LMX1B: variants seen among roughly 807,000 people sequenced by gnomAD.
The protein encoded by LMX1B is LIM homeobox transcription factor 1-beta.
In LMX1B, 12 loss-of-function variants were observed where a neutral mutation model predicts 51.4. The ratio of observed to expected loss-of-function variants is 0.23; its 90% confidence interval spans 0.15 to 0.38. The LOEUF is 0.38. LMX1B is among the 10% of genes least tolerant of loss of function. The pLI is 1.00. For missense variants in LMX1B, 445 were observed against 571.1 expected, an observed-to-expected ratio of 0.78 and a Z score of 2.25; for synonymous variants, 237 against 235.4, an observed-to-expected ratio of 1.01 and a Z score of -0.06.
intron 2 of LMX1B, among the ~76,000 whole-genome samples, chr9:126,678,877 C>T (rs1279279322): frequency 6.6e-6 from 1 of 152,124 alleles, no homozygotes; most frequent in Non-Finnish European, 1.5e-5. Flanking sequence ...TAAAAAAATG[C>T]TTTAATGGAG....
chr9:126,696,743 C>T lies in LMX1B; in HGVS notation c.*292C>T. On this transcript the variant is annotated 3_prime_UTR_variant, in exon 8 of 8. Transcript: ENST00000373474. ...CCAGCCCCACCTCGGCCTCCATCGCCTCCTCCCCATCTCTTTTTTGGGAAG... is the reference window on the plus strand; with the variant it reads ...CCAGCCCCACCTCGGCCTCCATCGCTTCCTCCCCATCTCTTTTTTGGGAAG... 1.9e-6 allele frequency: 1 copy of T among 528,548 alleles called. No individual in the cohort carries two copies. The highest frequency in any genetic ancestry group is 3.4e-6 in the Non-Finnish European group (1 of 293,868). The allele number at this position is 528,548 out of a possible 1,614,324, so 32.7% of individuals were successfully genotyped here.
At chr9:126,628,465 ACAGAT>A (rs1166267933) in intron 2 of LMX1B, among the ~76,000 whole-genome samples, 1 of 152,198 alleles carries the variant, frequency 6.6e-6, no homozygotes, top group Admixed American at 6.5e-5. Flanking sequence ...CTACAAGGCG[ACAGAT>A]CAGGAGAGGC....
intron 2 of LMX1B, among the ~76,000 whole-genome samples, chr9:126,660,787 G>A (rs531618229): frequency 2.0e-5 from 3 of 152,158 alleles, no homozygotes; most frequent in Non-Finnish European, 2.9e-5. Flanking sequence ...CCCTGAGCCC[G>A]TAGTGTGGCT....
chr9:126,616,351 T>G (rs1351660495), intron 2 of LMX1B, among the ~76,000 whole-genome samples: 1 of 152,188 alleles, frequency 6.6e-6, no homozygotes, highest in African/African-American at 2.4e-5. Flanking sequence ...GCCAGAGATG[T>G]GGGTTGAGCC....
chr9:126,619,424 C>T lies in LMX1B; in HGVS notation c.326+3855C>T, dbSNP rs71497623. 3.2e-3 allele frequency among the ~76,000 whole-genome samples: 488 copies of T among 152,330 alleles called. 1 individual carries two copies. Among genetic ancestry groups the T allele is most frequent in the Non-Finnish European group, 5.9e-3 (398 of 68,028 alleles). The stretch of plus-strand genomic sequence containing the variant: ...CCTGCAGGGTGCCAGTCTCAAGCAG[C>T]ACCCCTTCCCCAGTGTGTACCCCAA... On this transcript the variant is annotated intron_variant, in intron 2 of 7. Coordinates refer to ENST00000373474, the MANE Select transcript of LMX1B (RefSeq NM_001174147.2).
chr9:126,648,675 G>A (rs1835947667), intron 2 of LMX1B, among the ~76,000 whole-genome samples: 2 of 152,208 alleles, frequency 1.3e-5, no homozygotes, highest in African/African-American at 4.8e-5. Flanking sequence ...TCGATGGACA[G>A]GTACATGAGT....
At chr9:126,664,354 ACCCCCGCAGCGCAGCCCAGCCCAAT>A (rs1836300749) in intron 2 of LMX1B, among the ~76,000 whole-genome samples, 3 of 151,754 alleles carry the variant, frequency 2.0e-5, no homozygotes, top group Admixed American at 1.3e-4. Context: ...CCCCCAAGTT[ACCCCCGCAGCGCAGCCCAGCCCAAT>A]CCCCCACCCA....
chr9:126,635,128 C>T (rs975220515), intron 2 of LMX1B, among the ~76,000 whole-genome samples: 1 of 152,220 alleles, frequency 6.6e-6, no homozygotes, highest in Non-Finnish European at 1.5e-5. Context: ...AGGGGACTGA[C>T]ACCCAAAACC....
intron 2 of LMX1B, among the ~76,000 whole-genome samples, chr9:126,674,213 C>G (rs183333440): frequency 6.6e-6 from 1 of 152,252 alleles, no homozygotes; most frequent in Non-Finnish European, 1.5e-5. Context: ...GGGGTCTTCC[C>G]CAGTGGTGAC....
chr9:126,662,435 G>A (rs1367804765), intron 2 of LMX1B, among the ~76,000 whole-genome samples: 2 of 152,198 alleles, frequency 1.3e-5, no homozygotes, highest in South Asian at 2.1e-4. Flanking sequence ...CGGCTGTAAA[G>A]TGGGACCAGG....
intron 2 of LMX1B, among the ~76,000 whole-genome samples, chr9:126,652,119 C>T (rs899979279): frequency 9.9e-5 from 15 of 152,018 alleles, no homozygotes; most frequent in African/African-American, 3.6e-4. Flanking sequence ...GGTGGAGGGG[C>T]CCGGCTTGGC....
chr9:126,678,773 T>G lies in LMX1B; in HGVS notation c.327-12063T>G, dbSNP rs148363498. ...CTAGAGGAAAGCTTTATAGAAAATT[T>G]TTCATGAAAAATAATTATCTCAATG... On this transcript the variant is annotated intron_variant, in intron 2 of 7. Transcript: ENST00000373474. Among the ~76,000 whole-genome samples the G allele has an allele frequency of 1.9e-3, 284 of 152,224 alleles. 2 individuals are homozygous for G. The highest frequency in any genetic ancestry group is 6.4e-3 in the African/African-American group (265 of 41,532).
intron 2 of LMX1B, among the ~76,000 whole-genome samples, chr9:126,688,552 C>T (rs757922568): frequency 1.3e-5 from 2 of 152,210 alleles, no homozygotes; most frequent in African/African-American, 2.4e-5. Flanking sequence ...GGACCACCCT[C>T]CATGTCAGAG....
At chr9:126,619,091 C>T (rs1421096481) in intron 2 of LMX1B, among the ~76,000 whole-genome samples, 2 of 152,338 alleles carry the variant, frequency 1.3e-5, no homozygotes, top group South Asian at 2.1e-4. Context: ...TAGGATGTGC[C>T]TACGTTGGCA....
At position 126,697,839 on chromosome 9, in the gene LMX1B, G is replaced by GGTTTT. The variant is rs71493852; in HGVS notation, c.*1388_*1389insGTTTT. The GGTTTT allele has an allele frequency of 0.044, 2,011 of 45,444 alleles. 43 individuals are homozygous for GGTTTT. The highest frequency in any genetic ancestry group is 0.11 in the African/African-American group (1,645 of 15,416). The allele number at this position is 45,444 out of a possible 1,614,324, so 2.8% of individuals were successfully genotyped here. A position where few individuals can be genotyped will look rare whatever the true frequency, so the allele number is the denominator to read the frequency against. On this transcript the variant is annotated 3_prime_UTR_variant, in exon 8 of 8. Coordinates refer to ENST00000373474, the MANE Select transcript of LMX1B (RefSeq NM_001174147.2). ...TATATGCAGGATGGGGGCACCTACT[G>GGTTTT]TTTTGTTTTGTTTTGTTTTGTTTTG...
At chr9:126,660,135 TG>T in intron 2 of LMX1B, among the ~76,000 whole-genome samples, 1 of 87,684 alleles carries the variant, frequency 1.1e-5, no homozygotes, top group Middle Eastern at 5.6e-3. Context: ...TTGTCCTGTG[TG>T]GGGATGTCTA....
intron 2 of LMX1B, among the ~76,000 whole-genome samples, chr9:126,676,450 T>C (rs1047808756): frequency 6.6e-6 from 1 of 152,130 alleles, no homozygotes; most frequent in African/African-American, 2.4e-5. Flanking sequence ...TTTGGGGGAA[T>C]GGATGAAGTG....
At chr9:126,668,264 T>C (rs1836383592) in intron 2 of LMX1B, among the ~76,000 whole-genome samples, 1 of 152,072 alleles carries the variant, frequency 6.6e-6, no homozygotes, top group Non-Finnish European at 1.5e-5. Flanking sequence ...GCTGTGTCAC[T>C]TCCTGAGCAC....
At chr9:126,651,832 C>T (rs1304976663) in intron 2 of LMX1B, among the ~76,000 whole-genome samples, 1 of 152,140 alleles carries the variant, frequency 6.6e-6, no homozygotes, top group Non-Finnish European at 1.5e-5. Context: ...GCGGGGTCTG[C>T]TCTGAGGAAT....
Sources: gnomAD v4.1 joint callset for allele counts (sites outside exome capture counted in the v4.1 genomes callset) on GRCh38, gnomAD v4.1.1 for gene constraint, MANE v1.5 for transcripts, NCBI Gene and HGNC (gene_info 2026-07-23, HGNC 2026-07-21) for gene names.